Variants in IL1RAPL2 observed in about 807,000 individuals in gnomAD.
IL1RAPL2 encodes X-linked interleukin-1 receptor accessory protein-like 2.
A neutral mutation model predicts 44.1 loss-of-function variants in IL1RAPL2; 3 were observed. The observed-to-expected ratio is 0.07, with a 90% CI of 0.03 to 0.18. The LOEUF is 0.18. Ranked by LOEUF, IL1RAPL2 falls within the 10% of genes least tolerant of loss-of-function variation. The pLI is 1.00. For synonymous variants in IL1RAPL2, 181 were observed against 178.8 expected (o/e 1.01, Z -0.10); for missense variants, 391 against 496.4 (o/e 0.79, Z 2.02).
chrX:104,814,494 G>A (rs977648336), intron 2 of IL1RAPL2, among the ~76,000 whole-genome samples: 2 of 112,336 alleles, frequency 1.8e-5, no homozygotes, highest in African/African-American at 6.5e-5. Context: ...GAGCAAAATT[G>A]CAGGCATGCA....
At chrX:104,779,359 A>G (rs2227031) in intron 2 of IL1RAPL2, among the ~76,000 whole-genome samples, 53,801 of 110,403 alleles carry the variant, frequency 0.49, 9,839 homozygotes, top group African/African-American at 0.62. Context: ...ATCGTCTTCC[A>G]GGTACAAACA....
At chrX:104,723,577 A>T (rs766694275) in intron 2 of IL1RAPL2, among the ~76,000 whole-genome samples, 12 of 110,476 alleles carry the variant, frequency 1.1e-4, no homozygotes, top group Non-Finnish European at 2.1e-4. Flanking sequence ...ATCCCTAAGG[A>T]GAGCTGGTAC....
chrX:104,645,375 T>C (rs1289012832), intron 1 of IL1RAPL2, among the ~76,000 whole-genome samples: 1 of 111,964 alleles, frequency 8.9e-6, no homozygotes, highest in Non-Finnish European at 1.9e-5. Context: ...CTCACCAGTG[T>C]CAACTGTCTC....
intron 6 of IL1RAPL2, among the ~76,000 whole-genome samples, chrX:105,561,942 G>A (rs73636238): frequency 0.051 from 5,717 of 111,653 alleles, 383 homozygotes; most frequent in African/African-American, 0.18. Context: ...CAGGATTAGA[G>A]TAGAAAACAA....
At chrX:105,695,475 T>C (rs746213590) in intron 6 of IL1RAPL2, among the ~76,000 whole-genome samples, 63 of 111,603 alleles carry the variant, frequency 5.6e-4, no homozygotes, top group Non-Finnish European at 1.1e-3. Flanking sequence ...CAATATAGGA[T>C]AAGTGTTCAA....
At chrX:105,766,188 C>A (rs191981380) in intron 10 of IL1RAPL2, among the ~76,000 whole-genome samples, 1 of 112,203 alleles carries the variant, frequency 8.9e-6, no homozygotes, top group Non-Finnish European at 1.9e-5. Context: ...CAAATACTTT[C>A]TTTTCAGTTG....
chrX:104,915,512 G>T (rs1373611425), intron 2 of IL1RAPL2, among the ~76,000 whole-genome samples: 1 of 110,859 alleles, frequency 9.0e-6, no homozygotes, highest in South Asian at 3.8e-4. Context: ...TTCCCATTCT[G>T]TAGGTTGCCT....
intron 2 of IL1RAPL2, among the ~76,000 whole-genome samples, chrX:104,741,927 A>G (rs1240999222): frequency 9.0e-6 from 1 of 111,616 alleles, no homozygotes; most frequent in South Asian, 3.7e-4. Flanking sequence ...AGCTATCTTG[A>G]TCTACTGAGT....
intron 2 of IL1RAPL2, among the ~76,000 whole-genome samples, chrX:104,890,866 C>T (rs756443798): frequency 8.9e-6 from 1 of 111,763 alleles, no homozygotes; most frequent in African/African-American, 3.2e-5. Context: ...GACATGAAGT[C>T]CTTGCCCATG....
chrX:105,016,430 G>A, intron 2 of IL1RAPL2, among the ~76,000 whole-genome samples: 1 of 111,399 alleles, frequency 9.0e-6, no homozygotes, highest in Non-Finnish European at 1.9e-5. Flanking sequence ...TGCCCATTCA[G>A]TATGACATTG....
At chrX:104,876,651 C>CTT (rs777164255) in intron 2 of IL1RAPL2, among the ~76,000 whole-genome samples, 138 of 64,661 alleles carry the variant, frequency 2.1e-3, no homozygotes, top group Middle Eastern at 0.013. Flanking sequence ...ATATAGCTTT[C>CTT]TTTTTTTTTT....
intron 1 of IL1RAPL2, among the ~76,000 whole-genome samples, chrX:104,610,407 T>C (rs1300762003): frequency 8.9e-6 from 1 of 111,854 alleles, no homozygotes; most frequent in Non-Finnish European, 1.9e-5. Context: ...CAAAATCTCC[T>C]TAAGCTGATA....
At chrX:104,981,268 A>G (rs781354654) in intron 2 of IL1RAPL2, among the ~76,000 whole-genome samples, 15 of 109,825 alleles carry the variant, frequency 1.4e-4, no homozygotes, top group Non-Finnish European at 2.9e-4. Context: ...TAGTTTTTCA[A>G]TCCTCACTCT....
intron 2 of IL1RAPL2, among the ~76,000 whole-genome samples, chrX:104,905,491 A>G (rs1305113109): frequency 2.7e-5 from 3 of 111,721 alleles, no homozygotes; most frequent in Non-Finnish European, 5.6e-5. Flanking sequence ...TAAGGTGTAA[A>G]GAAGGGATCC....
intron 5 of IL1RAPL2, among the ~76,000 whole-genome samples, chrX:105,315,835 T>G (rs919875467): frequency 9.4e-6 from 1 of 106,244 alleles, no homozygotes; most frequent in African/African-American, 3.4e-5. Context: ...ACTCTCCATC[T>G]CCCTCTCTCC....
At chrX:104,937,583 A>G (rs761254697) in intron 2 of IL1RAPL2, among the ~76,000 whole-genome samples, 2 of 112,395 alleles carry the variant, frequency 1.8e-5, no homozygotes, top group South Asian at 7.4e-4. Flanking sequence ...GCAGTATCTG[A>G]CTAGGCAACT....
chrX:105,443,480 C>A (rs1391556690), intron 5 of IL1RAPL2, among the ~76,000 whole-genome samples: 1 of 111,408 alleles, frequency 9.0e-6, no homozygotes, highest in Non-Finnish European at 1.9e-5. Context: ...CATTAATTTT[C>A]CCCACCTCTC....
intron 2 of IL1RAPL2, among the ~76,000 whole-genome samples, chrX:104,870,347 C>A (rs1241484834): frequency 1.8e-5 from 2 of 112,256 alleles, no homozygotes; most frequent in Non-Finnish European, 3.8e-5. Flanking sequence ...TAGGGTCACT[C>A]TATTGCTTTG....
intron 2 of IL1RAPL2, among the ~76,000 whole-genome samples, chrX:104,740,863 C>A (rs1449421946): frequency 9.0e-6 from 1 of 111,425 alleles, no homozygotes; most frequent in Non-Finnish European, 1.9e-5. Context: ...CCCTTTGAAA[C>A]CTTGTGTTAA....
Sources: allele counts gnomAD v4.1 joint callset (sites outside exome capture counted in the v4.1 genomes callset), GRCh38; gene constraint gnomAD v4.1.1; transcripts MANE v1.5; gene names NCBI Gene and HGNC (gene_info 2026-07-23, HGNC 2026-07-21).